Variants in SNTG1 observed in about 807,000 individuals in gnomAD.
SNTG1 encodes the protein gamma-1-syntrophin.
A neutral mutation model predicts 74.7 loss-of-function variants in SNTG1; 39 were observed. That is an observed-to-expected ratio of 0.52 (90% confidence interval 0.40 to 0.68). The LOEUF (loss-of-function observed/expected upper bound fraction) is 0.68. Among genes scored for constraint, SNTG1 ranks in the 30% least tolerant of loss-of-function variants. The pLI is 0.00. For missense variants in SNTG1, 685 were observed against 609.5 expected, an observed-to-expected ratio of 1.12 and a Z score of -1.30; for synonymous variants, 254 against 217.1, an observed-to-expected ratio of 1.17 and a Z score of -1.49.
At chr8:50,143,984 C>T (rs1260644452) in intron 1 of SNTG1, among the ~76,000 whole-genome samples, 1 of 152,094 alleles carries the variant, frequency 6.6e-6, no homozygotes, top group East Asian at 1.9e-4. Context: ...TTCCATCAAC[C>T]TCGGTATGGA....
chr8:49,942,967 C>T (rs1172988057), intron 1 of SNTG1, among the ~76,000 whole-genome samples: 3 of 152,130 alleles, frequency 2.0e-5, no homozygotes, highest in African/African-American at 7.2e-5. Context: ...TTATTATCTA[C>T]AAAAAATATT....
chr8:50,449,806 A>C, intron 6 of SNTG1, 81 bp downstream of exon 6: 2 of 1,216,536 alleles, frequency 1.6e-6, no homozygotes, highest in Admixed American at 2.5e-5. Context: ...CAAGAATCCT[A>C]AATTACAATG....
chr8:50,154,004 G>T (rs1224427121), intron 1 of SNTG1, among the ~76,000 whole-genome samples: 1 of 152,172 alleles, frequency 6.6e-6, no homozygotes, highest in Non-Finnish European at 1.5e-5. Context: ...TCCAGAGGTG[G>T]AGTCTACAGA....
intron 1 of SNTG1, among the ~76,000 whole-genome samples, chr8:50,055,174 A>C (rs1819919304): frequency 6.6e-6 from 1 of 152,120 alleles, no homozygotes; most frequent in Non-Finnish European, 1.5e-5. Flanking sequence ...TTCGGAACTC[A>C]CTAAGCTGAT....
At chr8:50,393,104 TA>T (rs2092684293) in intron 2 of SNTG1, among the ~76,000 whole-genome samples, 1 of 152,152 alleles carries the variant, frequency 6.6e-6, no homozygotes, top group African/African-American at 2.4e-5. Flanking sequence ...AAGTTAGTAA[TA>T]AAAATTTCAT....
intron 2 of SNTG1, among the ~76,000 whole-genome samples, chr8:50,316,224 A>G (rs144539162): frequency 3.2e-4 from 49 of 152,260 alleles, no homozygotes; most frequent in African/African-American, 1.2e-3. Flanking sequence ...TTTGGTAAAC[A>G]CGGTAGAATC....
chr8:50,087,068 C>A (rs994516514), intron 1 of SNTG1, among the ~76,000 whole-genome samples: 3 of 152,140 alleles, frequency 2.0e-5, no homozygotes, highest in African/African-American at 4.8e-5. Context: ...GTACCTTCAG[C>A]TTGAGGTATT....
chr8:50,371,164 GC>G (rs1289427290), intron 2 of SNTG1, among the ~76,000 whole-genome samples: 1 of 152,078 alleles, frequency 6.6e-6, no homozygotes, highest in East Asian at 1.9e-4. Context: ...TCAGCTATTG[GC>G]CTACTACTGG....
chr8:50,664,289 G>T (rs1315365897), intron 15 of SNTG1, among the ~76,000 whole-genome samples: 1 of 152,086 alleles, frequency 6.6e-6, no homozygotes, highest in Non-Finnish European at 1.5e-5. Context: ...TAGGGAAACT[G>T]TCATTTATTC....
At chr8:49,952,585 G>A (rs73569339) in intron 1 of SNTG1, among the ~76,000 whole-genome samples, 1,647 of 152,248 alleles carry the variant, frequency 0.011, 32 homozygotes, top group African/African-American at 0.036. Context: ...GGAGGTACGT[G>A]GTAATCCACC....
At chr8:50,274,038 TGCTG>T (rs2087939056) in intron 2 of SNTG1, among the ~76,000 whole-genome samples, 2 of 152,194 alleles carry the variant, frequency 1.3e-5, no homozygotes, top group Non-Finnish European at 2.9e-5. Context: ...AATTGTTAAA[TGCTG>T]GTATATAAGA....
intron 2 of SNTG1, among the ~76,000 whole-genome samples, chr8:50,341,742 C>CCAGTTTGTAGGTGA (rs1263975877): frequency 2.6e-5 from 4 of 151,936 alleles, no homozygotes; most frequent in African/African-American, 7.2e-5. Flanking sequence ...ATTAGTGGTG[C>CCAGTTTGTAGGTGA]CAGTTTGTAG....
chr8:50,209,342 C>T (rs562207040), intron 2 of SNTG1, among the ~76,000 whole-genome samples: 23 of 152,280 alleles, frequency 1.5e-4, no homozygotes, highest in African/African-American at 2.4e-4. Context: ...GCAGATGAAA[C>T]GTCTCTGTCT....
chr8:50,232,129 CA>C (rs966123221), intron 2 of SNTG1, among the ~76,000 whole-genome samples: 39 of 151,202 alleles, frequency 2.6e-4, no homozygotes, highest in African/African-American at 9.2e-4. Context: ...AAGGCAGAAT[CA>C]AAACAAGAAA....
At chr8:50,357,231 C>A (rs987289142) in intron 2 of SNTG1, among the ~76,000 whole-genome samples, 5 of 152,164 alleles carry the variant, frequency 3.3e-5, no homozygotes, top group African/African-American at 4.8e-5. Context: ...TCCCTGGGGT[C>A]TCCCCCTCCA....
intron 9 of SNTG1, among the ~76,000 whole-genome samples, chr8:50,520,576 C>T (rs944371481): frequency 6.6e-6 from 1 of 152,006 alleles, no homozygotes; most frequent in Non-Finnish European, 1.5e-5. Context: ...AAATTTACAA[C>T]AAAAAGCAAA....
chr8:50,391,008 A>G (rs1451826152), intron 2 of SNTG1, among the ~76,000 whole-genome samples: 2 of 152,196 alleles, frequency 1.3e-5, no homozygotes, highest in Admixed American at 6.5e-5. Context: ...CAATCATGTC[A>G]TCTGCAAACA....
chr8:50,185,523 AT>A (rs762292216), intron 2 of SNTG1, among the ~76,000 whole-genome samples: 19 of 152,208 alleles, frequency 1.2e-4, no homozygotes. Context: ...GTTGTGACTC[AT>A]TTGACAGTTT....
chr8:49,984,330 C>T (rs1047896711), intron 1 of SNTG1, among the ~76,000 whole-genome samples: 1 of 151,866 alleles, frequency 6.6e-6, no homozygotes, highest in African/African-American at 2.4e-5. Context: ...CTCAGTCTCC[C>T]GAGTAGCTGG....
Sources: allele counts gnomAD v4.1 joint callset (sites outside exome capture counted in the v4.1 genomes callset), GRCh38; gene constraint gnomAD v4.1.1; transcripts MANE v1.5; gene names NCBI Gene and HGNC (gene_info 2026-07-23, HGNC 2026-07-21).